Variants in TMEM131L observed in about 807,000 individuals in gnomAD.
TMEM131L encodes transmembrane protein 131-like.
In TMEM131L, 54 loss-of-function variants were observed where a neutral mutation model predicts 192.2. The observed-to-expected ratio is 0.28, with a 90% confidence interval of 0.23 to 0.35. The LOEUF is 0.35. Ranked by LOEUF, TMEM131L falls within the 10% of genes least tolerant of loss-of-function variation. The probability of loss-of-function intolerance (pLI) is 1.00; values close to 1 mark genes in which losing one functional copy is unlikely to be tolerated. For missense variants in TMEM131L, 1,888 were observed against 1,972.9 expected (o/e 0.96, Z 0.82); for synonymous variants, 701 against 704.9 (o/e 0.99, Z 0.09).
chr4:153,585,800 AC>A (rs1730664200), intron 13 of TMEM131L, among the ~76,000 whole-genome samples, 189 bp downstream of exon 13: 1 of 152,042 alleles, frequency 6.6e-6, no homozygotes, highest in Non-Finnish European at 1.5e-5. Flanking sequence ...CTTTTAGGAG[AC>A]TTCTCTTTCT....
chr4:153,594,591 C>T (rs1224619965), intron 19 of TMEM131L, among the ~76,000 whole-genome samples: 1 of 152,182 alleles, frequency 6.6e-6, no homozygotes, highest in Non-Finnish European at 1.5e-5. Context: ...ATGCGGATAA[C>T]TCTATTTTTA....
chr4:153,593,319 G>A (rs997861673), intron 18 of TMEM131L, among the ~76,000 whole-genome samples: 4 of 151,960 alleles, frequency 2.6e-5, no homozygotes, highest in African/African-American at 9.7e-5. Context: ...TTTGGTGGGG[G>A]TGGGAGGAGC....
chr4:153,542,047 A>ACCTCAAAGCTC (rs1736824070), intron 3 of TMEM131L, among the ~76,000 whole-genome samples: 1 of 152,248 alleles, frequency 6.6e-6, no homozygotes, highest in South Asian at 2.1e-4. Context: ...AGGGATGACC[A>ACCTCAAAGCTC]TGGGAAATGT....
At chr4:153,612,069 TTAATA>T (rs1405032063) in intron 25 of TMEM131L, among the ~76,000 whole-genome samples, 178 bp from the exon 26 acceptor site, 1 of 152,184 alleles carries the variant, frequency 6.6e-6, no homozygotes, top group African/African-American at 2.4e-5. Context: ...TGTAGAACTC[TTAATA>T]TAAGTATACT....
chr4:153,473,726 A>G lies in TMEM131L; in HGVS notation c.196-119A>G, dbSNP rs192900172. 2.4e-5 allele frequency: 17 copies of G among 695,306 alleles called. No individual in the cohort carries two copies. The African/African-American group carries it at 2.8e-4, about 12-fold the overall frequency. 43.1% of individuals were successfully genotyped at this position (695,306 alleles called of 1,614,324 possible). A position where few individuals can be genotyped will look rare whatever the true frequency, so the allele number is the denominator to read the frequency against. On this transcript the variant is annotated intron_variant, in intron 2 of 34. Coordinates refer to ENST00000409959, the MANE Select transcript of TMEM131L (RefSeq NM_001131007.2). ...AGAATTGCTTGAACCCAGGAGGCGG[A>G]GGTTGCAGTGAGCCGAGACCCTGCC...
chr4:153,593,749 T>G, intron 18 of TMEM131L, 50 bp from the exon 19 acceptor site: 1 of 1,192,898 alleles, frequency 8.4e-7, no homozygotes, highest in Non-Finnish European at 1.3e-6. Context: ...AAATCTTTCT[T>G]TACTGGCAGA....
intron 3 of TMEM131L, among the ~76,000 whole-genome samples, chr4:153,514,723 A>G (rs1330031827): frequency 1.3e-5 from 2 of 152,232 alleles, no homozygotes; most frequent in African/African-American, 2.4e-5. Flanking sequence ...ACTATAAAAT[A>G]TAAAGAAGAA....
chr4:153,525,280 A>G lies in TMEM131L; in HGVS notation c.240-24793A>G, dbSNP rs1735389348. 2.0e-5 allele frequency among the ~76,000 whole-genome samples: 3 copies of G among 152,214 alleles called. No homozygotes were observed. In the South Asian group the frequency reaches 6.2e-4, roughly 32 times the overall value. On this transcript the variant is annotated intron_variant, in intron 3 of 34. Transcript: ENST00000409959. The stretch of plus-strand genomic sequence containing the variant: ...AAATAGTGATTGTGATAGTACCTCT[A>G]GAGCCAGTGCCTGTTCTTTCATCAC...
intron 29 of TMEM131L, among the ~76,000 whole-genome samples, chr4:153,625,365 G>C (rs1733761984): frequency 6.6e-6 from 1 of 151,918 alleles, no homozygotes; most frequent in Non-Finnish European, 1.5e-5. Flanking sequence ...CTCCAGCCTG[G>C]GTGACAAAGC....
At position 153,495,324 on chromosome 4, in the gene TMEM131L, C is replaced by CA. The variant is rs987730764; in HGVS notation, c.239+21448dup. ...GACAGAGTGAGAATCCGTCTGAAAA[C>CA]AAAAAAAAAAAACAAGTAAGTTAAT... On this transcript the variant is annotated intron_variant, in intron 3 of 34. Coordinates refer to ENST00000409959, the MANE Select transcript of TMEM131L (RefSeq NM_001131007.2). 1.8e-3 allele frequency among the ~76,000 whole-genome samples: 254 copies of CA among 141,162 alleles called. 1 individual carries two copies. Among genetic ancestry groups the CA allele is most frequent in the African/African-American group, 4.1e-3 (156 of 37,798 alleles). 92.6% of individuals were successfully genotyped at this position (141,162 alleles called of 152,430 possible).
At chr4:153,470,186 C>T (rs571803740) in intron 2 of TMEM131L, among the ~76,000 whole-genome samples, 1 of 152,238 alleles carries the variant, frequency 6.6e-6, no homozygotes, top group South Asian at 2.1e-4. Context: ...TCCATAAATT[C>T]ACCTGTTTGT....
chr4:153,559,607 C>T (rs766556470), intron 7 of TMEM131L, among the ~76,000 whole-genome samples: 4 of 152,130 alleles, frequency 2.6e-5, no homozygotes, highest in Non-Finnish European at 5.9e-5. Flanking sequence ...CCCATTCTCT[C>T]ATCCCCCTGG....
chr4:153,589,730 T>G (rs994400238), intron 16 of TMEM131L, among the ~76,000 whole-genome samples: 1 of 152,224 alleles, frequency 6.6e-6, no homozygotes, highest in Non-Finnish European at 1.5e-5. Flanking sequence ...AGCTTTTAAT[T>G]TTGACAAATT....
chr4:153,620,489 G>A (rs1320729233), intron 26 of TMEM131L, among the ~76,000 whole-genome samples: 2 of 152,322 alleles, frequency 1.3e-5, no homozygotes, highest in East Asian at 1.9e-4. Flanking sequence ...ACAGCAAGCT[G>A]GTCATAAATT....
chr4:153,624,695 A>G (rs907605133), intron 29 of TMEM131L, among the ~76,000 whole-genome samples: 4 of 152,232 alleles, frequency 2.6e-5, no homozygotes, highest in Non-Finnish European at 5.9e-5. Flanking sequence ...CCATGCAGTC[A>G]GTAGCTGAGT....
At chr4:153,616,956 T>C (rs1733015407) in intron 26 of TMEM131L, among the ~76,000 whole-genome samples, 1 of 152,192 alleles carries the variant, frequency 6.6e-6, no homozygotes, top group Non-Finnish European at 1.5e-5. Context: ...TCCTCTTACC[T>C]GTGTACCTGG....
intron 7 of TMEM131L, among the ~76,000 whole-genome samples, chr4:153,562,958 T>G (rs1040560108): frequency 3.9e-5 from 6 of 152,242 alleles, no homozygotes; most frequent in African/African-American, 1.4e-4. Flanking sequence ...CATCTAATTT[T>G]TAGATTTTTA....
chr4:153,479,752 G>T (rs1198678469), intron 3 of TMEM131L, among the ~76,000 whole-genome samples: 1 of 152,182 alleles, frequency 6.6e-6, no homozygotes, highest in East Asian at 1.9e-4. Context: ...GATCTTGGGA[G>T]CCAGAACATG....
chr4:153,520,093 A>T (rs1735003643), intron 3 of TMEM131L, among the ~76,000 whole-genome samples: 1 of 152,156 alleles, frequency 6.6e-6, no homozygotes, highest in African/African-American at 2.4e-5. Context: ...TAAGGCTTTG[A>T]ACAAACACGG....
Sources: gnomAD v4.1 joint callset for allele counts (sites outside exome capture counted in the v4.1 genomes callset) on GRCh38, gnomAD v4.1.1 for gene constraint, MANE v1.5 for transcripts, NCBI Gene and HGNC (gene_info 2026-07-23, HGNC 2026-07-21) for gene names.